Variants in HOATZ observed in about 807,000 individuals in gnomAD.
HOATZ encodes HOATZ cilia and flagella associated protein.
A neutral mutation model predicts 24.9 loss-of-function variants in HOATZ; 26 were observed. The ratio of observed to expected loss-of-function variants is 1.04; its 90% confidence interval spans 0.76 to 1.45. The LOEUF is 1.45. Among genes scored for constraint, HOATZ ranks in the 40% most tolerant of loss-of-function variants. The pLI is 0.00. For synonymous variants in HOATZ, 83 were observed against 76.6 expected, an observed-to-expected ratio of 1.08 and a Z score of -0.43; for missense variants, 226 against 201.5, an observed-to-expected ratio of 1.12 and a Z score of -0.74.
At chr11:111,521,552 A>T (rs1867269154) in intron 3 of HOATZ, among the ~76,000 whole-genome samples, 2 of 152,244 alleles carry the variant, frequency 1.3e-5, no homozygotes, top group East Asian at 1.9e-4. Flanking sequence ...CCCTAATATG[A>T]TATTTATGAA....
At chr11:111,533,849 T>C (rs1487333992) in intron 4 of HOATZ, 44 bp downstream of exon 4, 1 of 1,414,396 alleles carries the variant, frequency 7.1e-7, no homozygotes, top group South Asian at 1.4e-5. Flanking sequence ...TCTGAGTGGA[T>C]GAATTGTGGC....
Position 111,536,883 on chromosome 11 carries a change from C to A in HOATZ, c.*56C>A. On this transcript the variant is annotated 3_prime_UTR_variant, in exon 6 of 6. Transcript: ENST00000375618. Reference sequence around the variant, plus strand: ...CTTATACCTTCACTTTGGAAACAACCTTCTCTTAGATCAGGATCATTGAGA... The same window carrying A: ...CTTATACCTTCACTTTGGAAACAACATTCTCTTAGATCAGGATCATTGAGA... 3 of 1,347,584 alleles carry A rather than the reference C, an allele frequency of 2.2e-6. No individual in the cohort carries two copies. Among genetic ancestry groups the A allele is most frequent in the Middle Eastern group, 1.8e-4 (1 of 5,576 alleles). The allele number at this position is 1,347,584 out of a possible 1,614,324, so 83.5% of individuals were successfully genotyped here. A position where few individuals can be genotyped will look rare whatever the true frequency, so the allele number is the denominator to read the frequency against.
chr11:111,514,946 G>C lies in HOATZ; in HGVS notation c.162G>C (p.Leu54=). 1 of 1,614,004 alleles carries C rather than the reference G, an allele frequency of 6.2e-7. No homozygotes were observed. Among genetic ancestry groups the C allele is most frequent in the Middle Eastern group, 1.6e-4 (1 of 6,062 alleles). ...TGTATCCCCCTAGCGAATCTCAGCT[G>C]GTGCTGCGCAGAGACAGCAGTCAGC... ...ASMYPPSESQ[L]VLRRDSSQRL... is the part of the protein sequence containing the mutation. Residue 54 remains leucine (L), a synonymous_variant, in exon 1 of 6, where the codon CTG becomes CTC. Transcript: ENST00000375618.
intron 3 of HOATZ, chr11:111,519,236 T>C (rs1236449871): frequency 8.3e-6 from 2 of 240,790 alleles, no homozygotes; most frequent in South Asian, 5.3e-5. Flanking sequence ...ATTCACTCTA[T>C]AAAGGCAGGG....
chr11:111,533,912 C>A, intron 4 of HOATZ, 107 bp downstream of exon 4: 3 of 757,972 alleles, frequency 4.0e-6, no homozygotes, highest in South Asian at 2.3e-5. Context: ...TAGCTATAGT[C>A]CAGAGCCATT....
chr11:111,517,564 T>C (rs556193145), intron 3 of HOATZ, among the ~76,000 whole-genome samples: 1 of 152,302 alleles, frequency 6.6e-6, no homozygotes, highest in Non-Finnish European at 1.5e-5. Context: ...AACCTGCAAG[T>C]ACTATACTAG....
chr11:111,515,992 A>T, intron 2 of HOATZ, 48 bp from the exon 3 acceptor site: 1 of 1,249,490 alleles, frequency 8.0e-7, no homozygotes. Context: ...TTTAGTATAA[A>T]ATCATAATAA....
chr11:111,534,723 T>C, intron 5 of HOATZ: 1 of 427,914 alleles, frequency 2.3e-6, no homozygotes, highest in Non-Finnish European at 4.2e-6. Context: ...GTGCACATTC[T>C]CTGTCCCTCT....
chr11:111,518,977 G>C (rs755965301), intron 3 of HOATZ: 3 of 455,776 alleles, frequency 6.6e-6, no homozygotes, highest in Admixed American at 2.4e-5. Context: ...TGTATTGTAG[G>C]TAATTGTGTA....
chr11:111,534,483 A>G lies in HOATZ; in HGVS notation c.452+19A>G. 6.3e-7 allele frequency: 1 copy of G among 1,578,064 alleles called. No homozygotes were observed. The highest frequency in any genetic ancestry group is 8.7e-7 in the Non-Finnish European group (1 of 1,147,322). ...AAGCAAAGTAAGTTTACCTATGTCA[A>G]AAATATTCTCTCACCTTTCAACTTA... is the stretch of plus-strand genomic sequence containing the variant. On this transcript the variant is annotated intron_variant, in intron 5 of 5. Transcript: ENST00000375618.
chr11:111,515,314 T>C (rs1296874482), intron 1 of HOATZ, among the ~76,000 whole-genome samples, 197 bp from the exon 2 acceptor site: 11 of 152,210 alleles, frequency 7.2e-5, no homozygotes, highest in African/African-American at 2.7e-4. Context: ...TTACATAGTT[T>C]AATTCAAACA....
At chr11:111,535,608 T>C (rs1867442249) in intron 5 of HOATZ, 1 of 152,222 alleles carries the variant, frequency 6.6e-6, no homozygotes, top group African/African-American at 2.4e-5. Flanking sequence ...AAGCCTTGAA[T>C]TTCATTCTAT....
intron 3 of HOATZ, among the ~76,000 whole-genome samples, chr11:111,523,607 A>G (rs1002655853): frequency 2.0e-5 from 3 of 152,084 alleles, no homozygotes; most frequent in African/African-American, 7.2e-5. Flanking sequence ...ACATACCAAG[A>G]CTTTCACTAT....
chr11:111,533,855 G>A, intron 4 of HOATZ, 50 bp downstream of exon 4: 5 of 1,391,138 alleles, frequency 3.6e-6, no homozygotes, highest in Non-Finnish European at 4.8e-6. Context: ...TGGATGAATT[G>A]TGGCAAATTT....
chr11:111,534,864 G>A (rs1180382813), intron 5 of HOATZ: 1 of 174,360 alleles, frequency 5.7e-6, no homozygotes, highest in African/African-American at 2.4e-5. Context: ...GTGGGCTAAG[G>A]TTGCTAAAAC....
chr11:111,522,223 A>G (rs1163612330), intron 3 of HOATZ, among the ~76,000 whole-genome samples: 1 of 152,254 alleles, frequency 6.6e-6, no homozygotes, highest in African/African-American at 2.4e-5. Flanking sequence ...AATTAAATGA[A>G]ACTATTAGAT....
At chr11:111,516,526 T>G (rs1867202454) in intron 3 of HOATZ, among the ~76,000 whole-genome samples, 6 of 151,132 alleles carry the variant, frequency 4.0e-5, no homozygotes, top group Admixed American at 4.0e-4. Context: ...CTGGGCTACA[T>G]AGTAAGACCT....
chr11:111,519,050 A>G (rs1173806498), intron 3 of HOATZ: 1 of 456,060 alleles, frequency 2.2e-6, no homozygotes, highest in East Asian at 6.9e-5. Flanking sequence ...AGACAACAAG[A>G]TGGGTTTGGA....
chr11:111,523,139 T>C (rs1482774984), intron 3 of HOATZ, among the ~76,000 whole-genome samples: 1 of 152,006 alleles, frequency 6.6e-6, no homozygotes, highest in African/African-American at 2.4e-5. Flanking sequence ...GATGATGTTT[T>C]GCCTCTGTGT....
Sources: allele counts gnomAD v4.1 joint callset (sites outside exome capture counted in the v4.1 genomes callset), GRCh38; gene constraint gnomAD v4.1.1; transcripts MANE v1.5; gene names NCBI Gene and HGNC (gene_info 2026-07-23, HGNC 2026-07-21).